Variants in MUCL3 observed in about 807,000 individuals in gnomAD.
MUCL3 encodes the protein mucin like 3.
MUCL3 carries 42 observed loss-of-function variants against 70.2 expected under a neutral mutation model. The ratio of observed to expected loss-of-function variants is 0.60; its 90% CI spans 0.47 to 0.77. The LOEUF is 0.77. Among genes scored for constraint, MUCL3 ranks in the 30% least tolerant of loss-of-function variants. The pLI, the probability that MUCL3 is intolerant of heterozygous loss-of-function variation, is 0.00. For synonymous variants in MUCL3, 522 were observed against 647.0 expected (o/e 0.81, Z 2.93); for missense variants, 1,429 against 1,670.0 (o/e 0.86, Z 2.52).
intron 1 of MUCL3, among the ~76,000 whole-genome samples, chr6:30,947,795 G>C: frequency 6.6e-6 from 1 of 151,698 alleles, no homozygotes; most frequent in African/African-American, 2.4e-5. Context: ...TGACCATAAG[G>C]GTTGGGTCAT....
rs1431012330 is a variant in MUCL3, at chr6:30,950,420, G to T, written c.1956G>T (p.Lys652Asn). Residue 652 changes from lysine (K) to asparagine (N), a missense_variant, in exon 2 of 3, where the codon AAG (lysine) becomes AAT (asparagine). Coordinates refer to ENST00000462446, the MANE Select transcript of MUCL3 (RefSeq NM_080870.4). ...ATAGAGAAATGACAGCCAACGAGAA[G>T]ACCACACTATTCCCAGCAGAGCCTA... is the stretch of plus-strand genomic sequence containing the variant. Reference protein sequence around the residue: ...TENREMTANEKTTLFPAEPTE... With the variant: ...TENREMTANENTTLFPAEPTE... 3 of 1,541,958 alleles carry T rather than the reference G, an allele frequency of 1.9e-6. No individual in the cohort carries two copies. The highest frequency in any genetic ancestry group is 2.6e-6 in the Non-Finnish European group (3 of 1,144,934).
Position 30,948,923 on chromosome 6 carries a change from T to C in MUCL3, c.459T>C (p.Ala153=), listed in dbSNP as rs1760448847. The change falls in exon 2 of 3, where the codon GCT becomes GCC. Residue 153 remains alanine, a synonymous_variant. Coordinates refer to ENST00000462446, the MANE Select transcript of MUCL3 (RefSeq NM_080870.4). ...CCACTACCACACATAAAGAATCCGC[T>C]GGAAAAAAACATATAACGCCAGCAC... The part of the protein sequence containing the change: ...ADSTTTHKES[A]GKKHITPAPK... The C allele has an allele frequency of 3.2e-6, 5 of 1,550,130 alleles. No homozygotes were observed. Among genetic ancestry groups the C allele is most frequent in the Non-Finnish European group, 4.4e-6 (5 of 1,146,694 alleles).
Position 30,949,021 on chromosome 6 carries a change from G to A in MUCL3, c.557G>A (p.Gly186Glu). The change falls in exon 2 of 3, where the codon GGA becomes GAA. Residue 186 changes from glycine to glutamate, a missense_variant. Coordinates refer to ENST00000462446, the MANE Select transcript of MUCL3 (RefSeq NM_080870.4). The part of the protein sequence containing the change: ...STVTRKSDKT[G>E]RPLEKSMSTL... ...GTAACAAGAAAATCAGATAAAACTG[G>A]AAGACCTTTGGAAAAGTCCATGAGT... 1 of 1,551,654 alleles carries A rather than the reference G, an allele frequency of 6.4e-7. No individual in the cohort carries two copies. Among genetic ancestry groups the A allele is most frequent in the Non-Finnish European group, 8.7e-7 (1 of 1,146,986 alleles).
At chr6:30,942,874 T>C (rs1421368846) in intron 1 of MUCL3, among the ~76,000 whole-genome samples, 2 of 151,920 alleles carry the variant, frequency 1.3e-5, no homozygotes, top group Non-Finnish European at 2.9e-5. Context: ...GTGGGCGTGG[T>C]CTCGGAGAGG....
chr6:30,950,127 T>C lies in MUCL3; in HGVS notation c.1663T>C (p.Ser555Pro). Residue 555 changes from serine (S) to proline (P), a missense_variant, in exon 2 of 3, where the codon TCC becomes CCC. Transcript: ENST00000462446. Reference protein sequence around the residue: ...ERTANEKTTPSPAEPTENGDR... With the variant: ...ERTANEKTTPPPAEPTENGDR... ...GACAGCCAATGAGAAGACCACACCA[T>C]CCCCAGCAGAGCCTACAGAAAATGG... is the stretch of plus-strand genomic sequence containing the variant. The C allele has an allele frequency of 3.9e-6, 6 of 1,545,364 alleles. No homozygotes were observed. Among genetic ancestry groups the C allele is most frequent in the Non-Finnish European group, 5.2e-6 (6 of 1,146,254 alleles).
chr6:30,953,230 C>A lies in MUCL3; in HGVS notation c.*113C>A, dbSNP rs552256921. ...CTACAGGAAGGGCAGAGAATACTGA[C>A]GGTTACCAGTATTAACCCTTCATCT... On this transcript the variant is annotated 3_prime_UTR_variant, in exon 3 of 3. Transcript: ENST00000462446. 3.5e-6 allele frequency: 5 copies of A among 1,428,884 alleles called. No homozygotes were observed. The allele number at this position is 1,428,884 out of a possible 1,614,324, so 88.5% of individuals were successfully genotyped here.
At position 30,949,234 on chromosome 6, in the gene MUCL3, C is replaced by G; in HGVS notation, c.770C>G (p.Ala257Gly). ...EKTEDSRTTV[A>G]SDKLLTKTTK... Reference sequence around the variant, plus strand: ...ACTGAAGATTCCAGAACAACAGTTGCCTCAGACAAGCTCCTGACAAAAACT... The same window carrying G: ...ACTGAAGATTCCAGAACAACAGTTGGCTCAGACAAGCTCCTGACAAAAACT... Residue 257 changes from alanine to glycine, a missense_variant, in exon 2 of 3, where the codon GCC (alanine) becomes GGC (glycine). By Grantham distance (60) the Ala-to-Gly change is moderately conservative (BLOSUM62 0). Transcript: ENST00000462446. The G allele has an allele frequency of 6.4e-7, 1 of 1,550,564 alleles. No individual in the cohort carries two copies.
chr6:30,941,684 A>G (rs57224109), intron 1 of MUCL3, among the ~76,000 whole-genome samples: 3,533 of 151,872 alleles, frequency 0.023, 44 homozygotes, highest in Middle Eastern at 0.038. Flanking sequence ...CTGGTCTCAA[A>G]TGCCTGGCCT....
At position 30,950,740 on chromosome 6, in the gene MUCL3, C is replaced by T. The variant is rs780298487; in HGVS notation, c.2276C>T (p.Pro759Leu). 165 of 1,550,416 alleles carry T rather than the reference C, an allele frequency of 1.1e-4. 1 individual carries two copies. The highest frequency in any genetic ancestry group is 4.9e-4 in the Admixed American group (25 of 50,836). Residue 759 changes from proline (P) to leucine (L), a missense_variant, in exon 2 of 3, where the codon CCT (proline) becomes CTT (leucine). Physicochemically the swap from Pro to Leu is moderately conservative, Grantham distance 98. Transcript: ENST00000462446. ...NENTTPSPAQPTENGDRTPLA... is the reference protein window; with the variant it reads ...NENTTPSPAQLTENGDRTPLA... The stretch of plus-strand genomic sequence containing the variant: ...AACACCACACCATCCCCAGCACAGC[C>T]TACAGAAAATGGAGACAGGACTCCA...
rs1263903263 is a variant in MUCL3 at position 30,951,955 on chromosome 6, A to G, written c.3491A>G (p.Glu1164Gly). Residue 1164 changes from glutamate (E) to glycine (G), a missense_variant, in exon 2 of 3, where the codon GAA becomes GGA. Physicochemically the swap from Glu to Gly is moderately conservative, Grantham distance 98. Coordinates refer to ENST00000462446, the MANE Select transcript of MUCL3 (RefSeq NM_080870.4). ...LAHEKMTQVT[E>G]KSTEHPEKTT... is the part of the protein sequence containing the mutation. ...CATGAGAAGATGACACAAGTCACAG[A>G]AAAGTCCACAGAACACCCAGAAAAG... 1 of 1,612,302 alleles carries G rather than the reference A, an allele frequency of 6.2e-7. No individual in the cohort carries two copies. Among genetic ancestry groups the G allele is most frequent in the Non-Finnish European group, 8.5e-7 (1 of 1,179,618 alleles).
chr6:30,941,179 C>T (rs75475050), intron 1 of MUCL3, 98 bp downstream of exon 1: 24 of 1,327,602 alleles, frequency 1.8e-5, no homozygotes, highest in South Asian at 9.2e-5. Context: ...GGGGCGGGCA[C>T]GGGGCTGCTA....
chr6:30,953,047 C>G lies in MUCL3; in HGVS notation c.4112C>G (p.Pro1371Arg). 6.2e-7 allele frequency: 1 copy of G among 1,614,242 alleles called. No individual in the cohort carries two copies. The highest frequency in any genetic ancestry group is 8.5e-7 in the Non-Finnish European group (1 of 1,180,046). Residue 1371 changes from proline (P) to arginine (R), a missense_variant, in exon 3 of 3, where the codon CCC (proline) becomes CGC (arginine). By Grantham distance (103) the Pro-to-Arg change is moderately radical (BLOSUM62 -2). Coordinates refer to ENST00000462446, the MANE Select transcript of MUCL3 (RefSeq NM_080870.4). ...QYNDAEDEGGPNSYPVYLMEQ... is the reference protein window; with the variant it reads ...QYNDAEDEGGRNSYPVYLMEQ... ...AATGATGCAGAGGATGAGGGTGGCC[C>G]CAATTCCTACCCGGTCTACCTGATG...
intron 2 of MUCL3, 114 bp from the exon 3 acceptor site, chr6:30,952,857 A>T: frequency 7.1e-7 from 1 of 1,408,566 alleles, no homozygotes; most frequent in African/African-American, 1.4e-5. Context: ...CTGGAGCTGG[A>T]ATAAACATCA....
Position 30,951,873 on chromosome 6 carries a change from G to C in MUCL3, c.3409G>C (p.Val1137Leu), listed in dbSNP as rs760373200. 5.0e-6 allele frequency: 8 copies of C among 1,610,532 alleles called. No individual in the cohort carries two copies. In the South Asian group the frequency reaches 7.7e-5, roughly 16 times the overall value. ...TAGAGATAGGGCTACATCAGCCAAT[G>C]TGATCACACCAGCCCCAGCAGAGCC... ...EHRDRATSANVITPAPAEPIK... is the reference protein window; with the variant it reads ...EHRDRATSANLITPAPAEPIK... Residue 1137 changes from valine to leucine, a missense_variant, in exon 2 of 3, where the codon GTG (valine) becomes CTG (leucine). Physicochemically the swap from Val to Leu is conservative, Grantham distance 32. Coordinates refer to ENST00000462446, the MANE Select transcript of MUCL3 (RefSeq NM_080870.4).
At chr6:30,952,786 G>A (rs1028620840) in intron 2 of MUCL3, among the ~76,000 whole-genome samples, 185 bp from the exon 3 acceptor site, 1 of 152,126 alleles carries the variant, frequency 6.6e-6, no homozygotes, top group African/African-American at 2.4e-5. Context: ...GAGGTGTAAA[G>A]ACAAGGAGAA....
chr6:30,952,135 C>T lies in MUCL3; in HGVS notation c.3671C>T (p.Ala1224Val). The change falls in exon 2 of 3, where the codon GCC (alanine) becomes GTC (valine). Residue 1224 changes from alanine (A) to valine (V), a missense_variant. Coordinates refer to ENST00000462446, the MANE Select transcript of MUCL3 (RefSeq NM_080870.4). ...NTTLTTETIK[A>V]PVKSTENPEK... Reference sequence around the variant, plus strand: ...ACACTGACCACTGAGACCATAAAAGCCCCAGTAAAGTCCACAGAAAACCCA... The same window carrying T: ...ACACTGACCACTGAGACCATAAAAGTCCCAGTAAAGTCCACAGAAAACCCA... 1.2e-6 allele frequency: 2 copies of T among 1,613,248 alleles called. No individual in the cohort carries two copies. Among genetic ancestry groups the T allele is most frequent in the Non-Finnish European group, 1.7e-6 (2 of 1,179,812 alleles).
Position 30,948,951 on chromosome 6 carries a change from A to C in MUCL3, c.487A>C (p.Lys163Gln). The C allele has an allele frequency of 6.4e-7, 1 of 1,551,350 alleles. No individual in the cohort carries two copies. Among genetic ancestry groups the C allele is most frequent in the Non-Finnish European group, 8.7e-7 (1 of 1,146,910 alleles). ...AGKKHITPAP[K>Q]SKINCRKSTT... ...AAAAAAACATATAACGCCAGCACCC[A>C]AGAGCAAAATAAACTGTCGTAAGTC... Residue 163 changes from lysine to glutamine, a missense_variant, in exon 2 of 3, where the codon AAG (lysine) becomes CAG (glutamine). By Grantham distance (53) the Lys-to-Gln change is moderately conservative. Coordinates refer to ENST00000462446, the MANE Select transcript of MUCL3 (RefSeq NM_080870.4).
intron 1 of MUCL3, among the ~76,000 whole-genome samples, chr6:30,941,899 C>T (rs371525048): frequency 8.0e-4 from 122 of 152,244 alleles, no homozygotes; most frequent in African/African-American, 2.6e-3. Flanking sequence ...AGCTCCACTG[C>T]CCCCAGCCCT....
intron 1 of MUCL3, among the ~76,000 whole-genome samples, chr6:30,947,655 C>A (rs2150611347): frequency 6.6e-6 from 1 of 150,412 alleles, no homozygotes; most frequent in Middle Eastern, 3.4e-3. Flanking sequence ...CATAGTCAGT[C>A]CCTACCACAA....
Sources: gnomAD v4.1 joint callset for allele counts (sites outside exome capture counted in the v4.1 genomes callset) on GRCh38, gnomAD v4.1.1 for gene constraint, MANE v1.5 for transcripts, NCBI Gene and HGNC (gene_info 2026-07-23, HGNC 2026-07-21) for gene names.